FANCD2: variants seen among roughly 807,000 people sequenced by gnomAD.
FANCD2 encodes Fanconi anemia group D2 protein.
Under a neutral mutation model 192.3 loss-of-function variants are expected in FANCD2, and 131 were observed. The observed-to-expected ratio is 0.68, with a 90% CI of 0.59 to 0.79. The LOEUF is 0.79. Ranked by LOEUF, FANCD2 falls within the 30% of genes least tolerant of loss-of-function variation. FANCD2 has a pLI of 0.00. For missense variants in FANCD2, 1,508 were observed against 1,701.6 expected, an observed-to-expected ratio of 0.89 and a Z score of 2.00; for synonymous variants, 524 against 612.5, an observed-to-expected ratio of 0.86 and a Z score of 2.13.
chr3:10,037,640 A>C (rs1345108780), intron 7 of FANCD2: 1 of 152,228 alleles, frequency 6.6e-6, no homozygotes, highest in East Asian at 1.9e-4. Context: ...AAATTTGTGA[A>C]GTGTTCCGTA....
chr3:10,053,248 AATC>A (rs1200208558), intron 18 of FANCD2, among the ~76,000 whole-genome samples: 1 of 151,500 alleles, frequency 6.6e-6, no homozygotes, highest in African/African-American at 2.4e-5. Flanking sequence ...TGAAATTGGA[AATC>A]ATCATTCTCA....
chr3:10,053,068 C>T (rs2125012953), intron 18 of FANCD2, among the ~76,000 whole-genome samples: 1 of 146,190 alleles, frequency 6.8e-6, no homozygotes. Context: ...GCTATAAAGA[C>T]ACATGCACAC....
intron 18 of FANCD2, among the ~76,000 whole-genome samples, chr3:10,058,813 G>A (rs1202184961): frequency 6.6e-6 from 1 of 152,094 alleles, no homozygotes; most frequent in African/African-American, 2.4e-5. Context: ...CAAGGTTTTG[G>A]CAGTTTGGGG....
intron 40 of FANCD2, among the ~76,000 whole-genome samples, chr3:10,094,579 C>T (rs1472170199): frequency 6.6e-6 from 1 of 152,146 alleles, no homozygotes; most frequent in African/African-American, 2.4e-5. Flanking sequence ...ATTTCTTCTC[C>T]AGATCTGACA....
chr3:10,036,559 G>A (rs1265276945), intron 7 of FANCD2, among the ~76,000 whole-genome samples: 1 of 152,120 alleles, frequency 6.6e-6, no homozygotes, highest in Non-Finnish European at 1.5e-5. Flanking sequence ...TATTGGCCTG[G>A]TGCAGTGGCT....
intron 16 of FANCD2, among the ~76,000 whole-genome samples, chr3:10,048,651 G>T (rs2087104931): frequency 6.6e-6 from 1 of 152,122 alleles, no homozygotes; most frequent in South Asian, 2.1e-4. Flanking sequence ...GACTGTATTT[G>T]TGGAAAATGT....
intron 36 of FANCD2, among the ~76,000 whole-genome samples, chr3:10,089,241 C>T (rs1299971450): frequency 4.0e-5 from 6 of 151,530 alleles, no homozygotes; most frequent in Admixed American, 6.6e-5. Flanking sequence ...GCCGGGATCG[C>T]GCCACTGCAC....
chr3:10,063,851 A>G lies in FANCD2; in HGVS notation c.1887A>G (p.Ala629=). 2 of 1,614,230 alleles carry G rather than the reference A, an allele frequency of 1.2e-6. No individual in the cohort carries two copies. Among genetic ancestry groups the G allele is most frequent in the Non-Finnish European group, 1.7e-6 (2 of 1,180,044 alleles). Residue 629 remains alanine, a synonymous_variant, in exon 21 of 44, where the codon GCA becomes GCG. Transcript: ENST00000675286. ...GTGAGCAGTCTCCTCAGGCCTCTGC[A>G]CTTTACTATGATGAATTTGCCAACC... The part of the protein sequence containing the change: ...SCSEQSPQAS[A]LYYDEFANLI...
chr3:10,039,933 C>A, intron 9 of FANCD2, 88 bp downstream of exon 9: 1 of 1,494,384 alleles, frequency 6.7e-7, no homozygotes, highest in Non-Finnish European at 9.3e-7. Context: ...GTAATATGGT[C>A]TCTTCTATCT....
chr3:10,101,353 C>A lies in FANCD2; in HGVS notation c.*91C>A. The A allele has an allele frequency of 1.2e-5, 9 of 737,594 alleles. No individual in the cohort carries two copies. Among genetic ancestry groups the A allele is most frequent in the Non-Finnish European group, 1.9e-5 (8 of 421,422 alleles). The allele number at this position is 737,594 out of a possible 1,614,324, so 45.7% of individuals were successfully genotyped here. A position where few individuals can be genotyped will look rare whatever the true frequency, so the allele number is the denominator to read the frequency against. Reference sequence around the variant, plus strand: ...TGAAATCCGCTGTTTGCCTTTCTTACTGGTAGGATCCTTTTTTGTTCCTCT... The same window carrying A: ...TGAAATCCGCTGTTTGCCTTTCTTAATGGTAGGATCCTTTTTTGTTCCTCT... On this transcript the variant is annotated 3_prime_UTR_variant, in exon 44 of 44. Transcript: ENST00000675286.
chr3:10,057,075 G>A lies in FANCD2; in HGVS notation c.1657-3219G>A, dbSNP rs868379085. 1.3e-4 allele frequency among the ~76,000 whole-genome samples: 20 copies of A among 152,174 alleles called. No homozygotes were observed. In the South Asian group the frequency reaches 3.7e-3, roughly 28 times the overall value. On this transcript the variant is annotated intron_variant, in intron 18 of 43. Coordinates refer to ENST00000675286, the MANE Select transcript of FANCD2 (RefSeq NM_001018115.3). ...TTTGTCATGTTACCCAGACTGGTTT[G>A]GAACGCTTGAGCTCAGGAGATCCAC...
At chr3:10,072,396 A>G (rs534493713) in intron 26 of FANCD2, among the ~76,000 whole-genome samples, 2 of 151,252 alleles carry the variant, frequency 1.3e-5, no homozygotes, top group African/African-American at 4.9e-5. Flanking sequence ...CTCCTGCCAC[A>G]GCCTCCCAAG....
chr3:10,041,403 G>C (rs1490041825), intron 9 of FANCD2: 4 of 461,464 alleles, frequency 8.7e-6, no homozygotes, highest in African/African-American at 5.9e-5. Flanking sequence ...GTGATGGAAG[G>C]CTTCTTGTTT....
At chr3:10,081,697 A>G (rs1164333002) in intron 32 of FANCD2, among the ~76,000 whole-genome samples, 3 of 152,130 alleles carry the variant, frequency 2.0e-5, no homozygotes, top group Non-Finnish European at 4.4e-5. Flanking sequence ...CTTGCTGATG[A>G]GCTGATAACA....
chr3:10,070,454 GAA>G (rs1693151884), intron 26 of FANCD2, among the ~76,000 whole-genome samples: 1 of 49,578 alleles, frequency 2.0e-5, no homozygotes, highest in Non-Finnish European at 4.6e-5. Context: ...CCCCTACTGG[GAA>G]GTGAGGAGCT....
chr3:10,074,221 G>A (rs992731287), intron 28 of FANCD2, among the ~76,000 whole-genome samples: 27 of 152,244 alleles, frequency 1.8e-4, no homozygotes, highest in African/African-American at 6.5e-4. Context: ...TGGGATTACA[G>A]GCATGAACCA....
At chr3:10,031,419 A>G (rs35650217) in intron 2 of FANCD2, among the ~76,000 whole-genome samples, 96 of 151,372 alleles carry the variant, frequency 6.3e-4, no homozygotes, top group South Asian at 5.4e-3. Context: ...GGAGAATGGC[A>G]TGAACCCGGG....
intron 11 of FANCD2, 74 bp downstream of exon 11, chr3:10,042,737 A>C: frequency 1.8e-6 from 2 of 1,103,522 alleles, no homozygotes; most frequent in South Asian, 2.5e-5. Flanking sequence ...CCCCAGACTA[A>C]CTGAGAATAC....
At chr3:10,097,436 A>G (rs1307092423) in intron 42 of FANCD2, among the ~76,000 whole-genome samples, 1 of 152,226 alleles carries the variant, frequency 6.6e-6, no homozygotes, top group Non-Finnish European at 1.5e-5. Flanking sequence ...CTAGGTGTGC[A>G]TTCTCTTTCT....
Sources: gnomAD v4.1 joint callset for allele counts (sites outside exome capture counted in the v4.1 genomes callset) on GRCh38, gnomAD v4.1.1 for gene constraint, MANE v1.5 for transcripts, NCBI Gene and HGNC (gene_info 2026-07-23, HGNC 2026-07-21) for gene names.